The following TLCD4 variants were observed in gnomAD, a reference collection of about 807,000 sequenced individuals.
TLCD4 encodes the protein TLC domain-containing protein 4.
In TLCD4, 7 loss-of-function variants were observed where a neutral mutation model predicts 24.2. That is an observed-to-expected ratio of 0.29 (90% CI 0.16 to 0.54). The LOEUF (loss-of-function observed/expected upper bound fraction) is 0.54. Among genes scored for constraint, TLCD4 ranks in the 20% least tolerant of loss-of-function variants. The probability of loss-of-function intolerance (pLI) is 0.95; values close to 1 mark genes in which losing one functional copy is unlikely to be tolerated. For synonymous variants in TLCD4, 103 were observed against 106.4 expected (o/e 0.97, Z 0.20); for missense variants, 259 against 313.9 (o/e 0.82, Z 1.32).
intron 1 of TLCD4, chr1:95,125,624 A>G (rs1021358693): frequency 2.0e-5 from 3 of 152,160 alleles, no homozygotes; most frequent in African/African-American, 7.2e-5. Flanking sequence ...GGTAGAGTGG[A>G]CCTTAGGTAA....
At chr1:95,169,638 T>G (rs927762700) in intron 5 of TLCD4, among the ~76,000 whole-genome samples, 4 of 150,856 alleles carry the variant, frequency 2.7e-5, no homozygotes, top group Non-Finnish European at 5.9e-5. Flanking sequence ...CTTCATGATT[T>G]TTTTTTTATT....
At chr1:95,112,794 G>T (rs953893481), upstream of TLCD4, among the ~76,000 whole-genome samples, 2 of 152,132 alleles carry the variant, frequency 1.3e-5, no homozygotes, top group Non-Finnish European at 2.9e-5. Flanking sequence ...GTGTGTTTGG[G>T]CATTGGAAGA....
At chr1:95,148,919 T>G in intron 3 of TLCD4, 128 bp downstream of exon 3, 1 of 1,243,474 alleles carries the variant, frequency 8.0e-7, no homozygotes, top group Non-Finnish European at 1.1e-6. Flanking sequence ...ATGCTTGTGC[T>G]CAGACATTCT....
At chr1:95,189,238 A>G (rs543957176) in intron 6 of TLCD4, among the ~76,000 whole-genome samples, 23 of 152,280 alleles carry the variant, frequency 1.5e-4, no homozygotes, top group Non-Finnish European at 3.1e-4. Flanking sequence ...CATTGCCTGT[A>G]TACAGTTTCT....
At chr1:95,172,437 C>T (rs1678262253) in intron 5 of TLCD4, among the ~76,000 whole-genome samples, 1 of 152,094 alleles carries the variant, frequency 6.6e-6, no homozygotes, top group African/African-American at 2.4e-5. Context: ...ATTCTTTCTC[C>T]TCCATTGTTA....
At chr1:95,179,050 C>T (rs538120699) in intron 6 of TLCD4, among the ~76,000 whole-genome samples, 91 of 152,308 alleles carry the variant, frequency 6.0e-4, no homozygotes, top group African/African-American at 1.9e-3. Context: ...TCTCTACCTT[C>T]AGTGCCCTAG....
chr1:95,104,505 A>C, the TLCD4 span, among the ~76,000 whole-genome samples: 6 of 151,736 alleles, frequency 4.0e-5, no homozygotes, highest in African/African-American at 1.5e-4. Context: ...TCTACTAAAA[A>C]TACAAAAAAA....
intron 5 of TLCD4, among the ~76,000 whole-genome samples, chr1:95,160,873 GCTT>G (rs1157385860): frequency 1.3e-5 from 2 of 152,198 alleles, no homozygotes; most frequent in African/African-American, 4.8e-5. Context: ...TGGTGGATAA[GCTT>G]CTTGATGTGC....
Position 95,147,549 on chromosome 1 carries a change from C to T in TLCD4, c.156-1153C>T, listed in dbSNP as rs553040056. On this transcript the variant is annotated intron_variant, in intron 2 of 6. Transcript: ENST00000370203. The stretch of plus-strand genomic sequence containing the variant: ...GAATCTTTGCTTATTTAAAATATGG[C>T]TTGATTTAGCATGATACATCTATTT... 3.9e-5 allele frequency among the ~76,000 whole-genome samples: 6 copies of T among 152,242 alleles called. No individual in the cohort carries two copies. In the East Asian group the frequency reaches 1.2e-3, roughly 29 times the overall value.
chr1:95,194,055 G>A lies in TLCD4; in HGVS notation c.*2187G>A, dbSNP rs1428012610. ...AAACAATATAAAGCTATATTAGTGA[G>A]TCTCCATGTAGCAGTTTGTTTTTAT... On this transcript the variant is annotated 3_prime_UTR_variant, in exon 7 of 7. Coordinates refer to ENST00000370203, the MANE Select transcript of TLCD4 (RefSeq NM_152487.3). 6.6e-6 allele frequency: 1 copy of A among 152,080 alleles called. No homozygotes were observed. Among genetic ancestry groups the A allele is most frequent in the Non-Finnish European group, 1.5e-5 (1 of 67,952 alleles). The allele number at this position is 152,080 out of a possible 1,614,324, so 9.4% of individuals were successfully genotyped here.
chr1:95,143,318 T>C (rs1294444202), intron 1 of TLCD4, among the ~76,000 whole-genome samples: 1 of 152,294 alleles, frequency 6.6e-6, no homozygotes, highest in South Asian at 2.1e-4. Context: ...GCCTCAACAG[T>C]GCAATGGCTC....
chr1:95,127,933 CAT>C (rs1453501313), intron 1 of TLCD4, among the ~76,000 whole-genome samples: 3 of 152,042 alleles, frequency 2.0e-5, no homozygotes, highest in Non-Finnish European at 4.4e-5. Flanking sequence ...AATTGTAACT[CAT>C]AGGTTGAAAA....
chr1:95,139,881 T>C (rs1201485821), intron 1 of TLCD4, among the ~76,000 whole-genome samples: 3 of 152,200 alleles, frequency 2.0e-5, no homozygotes, highest in African/African-American at 4.8e-5. Context: ...TTATTATTAT[T>C]TTATTACTTT....
At chr1:95,183,143 C>A (rs1454309708) in intron 6 of TLCD4, among the ~76,000 whole-genome samples, 1 of 152,086 alleles carries the variant, frequency 6.6e-6, no homozygotes, top group Admixed American at 6.5e-5. Flanking sequence ...TTAGGTTACC[C>A]AGTTCTTAGT....
At chr1:95,093,868 C>T in the TLCD4 span, among the ~76,000 whole-genome samples, 2 of 152,206 alleles carry the variant, frequency 1.3e-5, no homozygotes, top group African/African-American at 2.4e-5. Context: ...CCACATATCT[C>T]TTCTGTGGTA....
chr1:95,178,751 C>T (rs371823066), intron 6 of TLCD4, among the ~76,000 whole-genome samples: 1 of 151,936 alleles, frequency 6.6e-6, no homozygotes, highest in African/African-American at 2.4e-5. Flanking sequence ...ACTTAATATT[C>T]CTGTATTATA....
chr1:95,141,574 A>G (rs1022201081), intron 1 of TLCD4, among the ~76,000 whole-genome samples: 1 of 152,144 alleles, frequency 6.6e-6, no homozygotes, highest in African/African-American at 2.4e-5. Flanking sequence ...TTAGAAAAGC[A>G]TTATTCTCCT....
chr1:95,182,969 G>A (rs1393561101), intron 6 of TLCD4, among the ~76,000 whole-genome samples: 2 of 152,112 alleles, frequency 1.3e-5, no homozygotes, highest in Non-Finnish European at 1.5e-5. Context: ...TTAGGGGTAG[G>A]GTGGATAGAT....
chr1:95,112,693 C>T (rs1259995829), upstream of TLCD4, among the ~76,000 whole-genome samples: 4 of 152,218 alleles, frequency 2.6e-5, no homozygotes, highest in East Asian at 5.8e-4. Flanking sequence ...TTCAGACAGG[C>T]AAGTACTCTA....
Sources: allele counts gnomAD v4.1 joint callset (sites outside exome capture counted in the v4.1 genomes callset), GRCh38; gene constraint gnomAD v4.1.1; transcripts MANE v1.5; gene names NCBI Gene and HGNC (gene_info 2026-07-23, HGNC 2026-07-21).